The following PKP2 variants were observed in gnomAD, a reference collection of about 807,000 sequenced individuals.
PKP2 encodes plakophilin 2.
Under a neutral mutation model 83.4 loss-of-function variants are expected in PKP2, and 73 were observed. The ratio of observed to expected loss-of-function variants is 0.88; its 90% confidence interval spans 0.72 to 1.06. The LOEUF is 1.06. Among genes scored for constraint, PKP2 ranks in the 50% least tolerant of loss-of-function variants. The pLI is 0.00. For missense variants in PKP2, 966 were observed against 1,065.4 expected (o/e 0.91, Z 1.30); for synonymous variants, 409 against 430.4 (o/e 0.95, Z 0.62).
At chr12:32,882,395 C>T (rs889089604) in intron 1 of PKP2, among the ~76,000 whole-genome samples, 1 of 152,164 alleles carries the variant, frequency 6.6e-6, no homozygotes, top group Non-Finnish European at 1.5e-5. Context: ...AGCCCATCAT[C>T]ACCTGGAATA....
chr12:32,871,616 C>T (rs1157117315), intron 3 of PKP2, among the ~76,000 whole-genome samples: 1 of 152,138 alleles, frequency 6.6e-6, no homozygotes, highest in African/African-American at 2.4e-5. Context: ...CAAGCACCCA[C>T]CACCACGCCC....
At chr12:32,827,092 T>G (rs1202968416) in intron 6 of PKP2, among the ~76,000 whole-genome samples, 1 of 152,242 alleles carries the variant, frequency 6.6e-6, no homozygotes, top group Non-Finnish European at 1.5e-5. Context: ...AAGTCTTTCT[T>G]CCTGGCTAAG....
chr12:32,807,447 A>G (rs371174751), intron 9 of PKP2, among the ~76,000 whole-genome samples: 2 of 152,306 alleles, frequency 1.3e-5, no homozygotes, highest in South Asian at 2.1e-4. Flanking sequence ...GGTCTCTTGA[A>G]GACAGCACAC....
chr12:32,883,415 A>T (rs913975246), intron 1 of PKP2, among the ~76,000 whole-genome samples: 11 of 152,232 alleles, frequency 7.2e-5, no homozygotes, highest in African/African-American at 2.7e-4. Context: ...GTAAATACTA[A>T]TAAGGATGGA....
chr12:32,840,224 C>T (rs1029461295), intron 6 of PKP2, among the ~76,000 whole-genome samples: 1 of 152,226 alleles, frequency 6.6e-6, no homozygotes, highest in African/African-American at 2.4e-5. Context: ...TGCTCTAACA[C>T]ATTTCATTGT....
chr12:32,887,505 G>A (rs565469011), intron 1 of PKP2, among the ~76,000 whole-genome samples: 35 of 152,326 alleles, frequency 2.3e-4, no homozygotes, highest in African/African-American at 8.2e-4. Context: ...CCAGGCTGAA[G>A]TGCAGCGGTG....
chr12:32,856,273 G>C (rs1039616150), intron 4 of PKP2, among the ~76,000 whole-genome samples: 1 of 152,090 alleles, frequency 6.6e-6, no homozygotes, highest in African/African-American at 2.4e-5. Flanking sequence ...TGCAGGCAAT[G>C]GGGGCAGTTA....
chr12:32,803,146 G>C (rs1451809516), intron 9 of PKP2, among the ~76,000 whole-genome samples: 1 of 151,874 alleles, frequency 6.6e-6, no homozygotes, highest in East Asian at 2.0e-4. Flanking sequence ...AAAGCTGGCT[G>C]ATCACCTGAG....
At position 32,843,271 on chromosome 12, in the gene PKP2, G is replaced by A. The variant is rs373399921; in HGVS notation, c.1379-2066C>T. ...GCTGGGATTACAGGCGTGAGCCACCGCGCCCGGCCAGCCATTCCTACTTCT... is the reference window on the plus strand; with the variant it reads ...GCTGGGATTACAGGCGTGAGCCACCACGCCCGGCCAGCCATTCCTACTTCT... On this transcript the variant is annotated intron_variant, in intron 5 of 12. Transcript: ENST00000340811. The A allele has an allele frequency of 5.9e-5, 79 of 1,331,418 alleles. No individual in the cohort carries two copies. In the East Asian group the frequency reaches 2.7e-3, roughly 45 times the overall value. The allele number at this position is 1,331,418 out of a possible 1,614,324, so 82.5% of individuals were successfully genotyped here. A position where few individuals can be genotyped will look rare whatever the true frequency, so the allele number is the denominator to read the frequency against.
rs149190233 is a variant in PKP2, at chr12:32,864,431, A to G, written c.1170+4496T>C. Among the ~76,000 whole-genome samples, 268 of 151,688 alleles carry G rather than the reference A, an allele frequency of 1.8e-3. 3 individuals carry two copies. The highest frequency in any genetic ancestry group is 6.1e-3 in the African/African-American group (253 of 41,480). Reference sequence around the variant, plus strand: ...ATAGAAATTAAAAAGTACCATTTATAATAGCATCTGGAAATATGATAAACT... The same window carrying G: ...ATAGAAATTAAAAAGTACCATTTATGATAGCATCTGGAAATATGATAAACT... On this transcript the variant is annotated intron_variant, in intron 4 of 12. Coordinates refer to ENST00000340811, the MANE Select transcript of PKP2 (RefSeq NM_001005242.3).
chr12:32,871,956 C>G (rs192933307), intron 3 of PKP2, among the ~76,000 whole-genome samples: 3 of 152,298 alleles, frequency 2.0e-5, no homozygotes, highest in Admixed American at 2.0e-4. Context: ...CCCGTTCCAA[C>G]TCCTTTTCTC....
At chr12:32,890,153 G>A (rs530379399) in intron 1 of PKP2, among the ~76,000 whole-genome samples, 3 of 148,014 alleles carry the variant, frequency 2.0e-5, no homozygotes, top group Admixed American at 6.8e-5. Context: ...AATAATATAT[G>A]TTTACTATCA....
intron 10 of PKP2, among the ~76,000 whole-genome samples, chr12:32,798,606 T>G (rs1319214450): frequency 6.6e-6 from 1 of 151,198 alleles, no homozygotes; most frequent in East Asian, 1.9e-4. Context: ...TAAAGCAAAA[T>G]ACTTACAGCC....
intron 5 of PKP2, among the ~76,000 whole-genome samples, chr12:32,850,352 G>A (rs976446974): frequency 6.6e-6 from 1 of 152,128 alleles, no homozygotes; most frequent in African/African-American, 2.4e-5. Flanking sequence ...AGGAGTTCGA[G>A]ACCAGCCTGG....
At chr12:32,893,980 C>G (rs1206296478) in intron 1 of PKP2, 2 of 134,206 alleles carry the variant, frequency 1.5e-5, no homozygotes, top group African/African-American at 5.8e-5. Flanking sequence ...AGTGCAATGG[C>G]GAGATCTCCG....
intron 6 of PKP2, chr12:32,824,456 T>C: frequency 5.2e-6 from 2 of 385,688 alleles, no homozygotes; most frequent in East Asian, 1.2e-4. Context: ...AGTGTGGATA[T>C]GAGGCAAATG....
intron 1 of PKP2, among the ~76,000 whole-genome samples, chr12:32,884,679 A>G (rs537967119): frequency 4.9e-4 from 75 of 152,286 alleles, no homozygotes; most frequent in Middle Eastern, 3.4e-3. Flanking sequence ...TTCTAAATAG[A>G]ATTTGAGTCA....
intron 10 of PKP2, among the ~76,000 whole-genome samples, chr12:32,797,846 G>A (rs1188002344): frequency 1.3e-5 from 2 of 151,966 alleles, no homozygotes; most frequent in South Asian, 2.1e-4. Context: ...GTGAGCTACC[G>A]CGCCTGGCCA....
At chr12:32,819,859 T>TAC (rs141866119) in intron 9 of PKP2, among the ~76,000 whole-genome samples, 3,127 of 143,088 alleles carry the variant, frequency 0.022, 48 homozygotes, top group South Asian at 0.048. Flanking sequence ...ACAGCAAGCT[T>TAC]ACACACACAC....
Sources: gnomAD v4.1 joint callset for allele counts (sites outside exome capture counted in the v4.1 genomes callset) on GRCh38, gnomAD v4.1.1 for gene constraint, MANE v1.5 for transcripts, NCBI Gene and HGNC (gene_info 2026-07-23, HGNC 2026-07-21) for gene names.